Variants in SAMD3 observed in about 807,000 individuals in gnomAD.
SAMD3 encodes the protein sterile alpha motif domain-containing protein 3.
A neutral mutation model predicts 58.5 loss-of-function variants in SAMD3; 63 were observed. The observed-to-expected ratio is 1.08, with a 90% CI of 0.88 to 1.33. The LOEUF (loss-of-function observed/expected upper bound fraction) is 1.33, where lower values mean the gene tolerates loss of function less well. Among genes scored for constraint, SAMD3 ranks in the 40% most tolerant of loss-of-function variants. The probability of loss-of-function intolerance (pLI) is 0.00; values close to 1 mark genes in which losing one functional copy is unlikely to be tolerated. For synonymous variants in SAMD3, 220 were observed against 210.3 expected (o/e 1.05, Z -0.40); for missense variants, 604 against 608.4 (o/e 0.99, Z 0.08).
chr6:130,324,447 G>T (rs1373848826), intron 1 of SAMD3, among the ~76,000 whole-genome samples: 1 of 152,202 alleles, frequency 6.6e-6, no homozygotes, highest in Non-Finnish European at 1.5e-5. Context: ...ATGGTTGAAT[G>T]AATTTGTGTA....
intron 1 of SAMD3, among the ~76,000 whole-genome samples, chr6:130,217,042 G>A (rs1796041710): frequency 6.6e-6 from 1 of 152,164 alleles, no homozygotes; most frequent in African/African-American, 2.4e-5. Flanking sequence ...AAATGATCAT[G>A]TATTTTTAAA....
intron 5 of SAMD3, among the ~76,000 whole-genome samples, chr6:130,191,871 A>T (rs1323551164): frequency 2.0e-5 from 3 of 152,258 alleles, no homozygotes; most frequent in Non-Finnish European, 4.4e-5. Flanking sequence ...ATCAACTGCT[A>T]CACAATGTGA....
intron 1 of SAMD3, among the ~76,000 whole-genome samples, chr6:130,346,118 G>A (rs960183124): frequency 6.6e-6 from 1 of 152,222 alleles, no homozygotes; most frequent in Non-Finnish European, 1.5e-5. Flanking sequence ...AACAGGAACA[G>A]CTACAGTCTA....
At position 130,176,438 on chromosome 6, in the gene SAMD3, A is replaced by G. The variant is rs565961253; in HGVS notation, c.655-430T>C. 9.1e-4 allele frequency among the ~76,000 whole-genome samples: 139 copies of G among 152,252 alleles called. 1 individual carries two copies. The highest frequency in any genetic ancestry group is 1.9e-3 in the South Asian group (9 of 4,830). ...TTTTCTTTAAAAATAATTTCCTGTC[A>G]TCTTTTGAAATTTGTTTTGATGAGT... On this transcript the variant is annotated intron_variant, in intron 7 of 11. Transcript: ENST00000439090.
At position 130,287,368 on chromosome 6, in the gene SAMD3, A is replaced by C. The variant is rs138475086; in HGVS notation, c.-188+25610T>G. Among the ~76,000 whole-genome samples the C allele has an allele frequency of 1.8e-3, 273 of 152,330 alleles. 1 individual carries two copies. Among genetic ancestry groups the C allele is most frequent in the African/African-American group, 6.4e-3 (266 of 41,574 alleles). On this transcript the variant is annotated intron_variant, in intron 2 of 13. Coordinates refer to the SAMD3 transcript ENST00000368134. ...CATAGTGCCTAGCATTCTTGCATTTAGTAGACAATTATTCATTCATTTCTT... is the reference window on the plus strand; with the variant it reads ...CATAGTGCCTAGCATTCTTGCATTTCGTAGACAATTATTCATTCATTTCTT...
downstream of SAMD3, chr6:130,144,279 C>T (rs184035387): frequency 1.7e-4 from 80 of 483,420 alleles, no homozygotes; most frequent in Admixed American, 1.5e-3. Flanking sequence ...AACTTAACTG[C>T]GGAATTTCTA....
intron 2 of SAMD3, among the ~76,000 whole-genome samples, chr6:130,256,052 G>A (rs557479888): frequency 6.6e-6 from 1 of 150,756 alleles, no homozygotes; most frequent in East Asian, 1.9e-4. Flanking sequence ...TTTTTTGGTA[G>A]TAGCATACTT....
chr6:130,177,230 G>A (rs1791812344), intron 7 of SAMD3, among the ~76,000 whole-genome samples: 1 of 152,112 alleles, frequency 6.6e-6, no homozygotes, highest in African/African-American at 2.4e-5. Context: ...CTACTGTTCG[G>A]GAGATTGGAA....
intron 2 of SAMD3, among the ~76,000 whole-genome samples, chr6:130,241,458 C>T (rs1223767640): frequency 6.6e-6 from 1 of 152,052 alleles, no homozygotes; most frequent in Admixed American, 6.6e-5. Flanking sequence ...TTATGATCCA[C>T]CTGCCTTGGT....
intron 1 of SAMD3, among the ~76,000 whole-genome samples, chr6:130,317,605 T>G (rs9492544): frequency 0.42 from 64,229 of 151,706 alleles, 15,148 homozygotes; most frequent in African/African-American, 0.64. Flanking sequence ...TGTAGATAGA[T>G]AAATGGCAGA....
At chr6:130,216,842 T>A (rs1021623786) in intron 1 of SAMD3, among the ~76,000 whole-genome samples, 1 of 152,144 alleles carries the variant, frequency 6.6e-6, no homozygotes, top group African/African-American at 2.4e-5. Flanking sequence ...CTGGTGTAAA[T>A]TAAAAATCAC....
At chr6:130,258,759 T>G (rs1774011207) in intron 2 of SAMD3, among the ~76,000 whole-genome samples, 1 of 152,178 alleles carries the variant, frequency 6.6e-6, no homozygotes, top group Non-Finnish European at 1.5e-5. Context: ...TTTTAGAATT[T>G]TATTTTGGGA....
At chr6:130,191,335 T>C (rs1793522046) in intron 5 of SAMD3, among the ~76,000 whole-genome samples, 1 of 152,164 alleles carries the variant, frequency 6.6e-6, no homozygotes, top group East Asian at 1.9e-4. Context: ...GGCCCATCCC[T>C]TAATTATCAT....
At chr6:130,311,078 C>A (rs554249461) in intron 2 of SAMD3, among the ~76,000 whole-genome samples, 1 of 152,228 alleles carries the variant, frequency 6.6e-6, no homozygotes, top group Admixed American at 6.5e-5. Flanking sequence ...AGGGCCCTGA[C>A]AAAGAACCAC....
At chr6:130,359,601 G>T (rs1486240180) in intron 1 of SAMD3, among the ~76,000 whole-genome samples, 1 of 152,004 alleles carries the variant, frequency 6.6e-6, no homozygotes, top group Non-Finnish European at 1.5e-5. Flanking sequence ...ACCCATTAGG[G>T]CACTTTTCAT....
intron 1 of SAMD3, among the ~76,000 whole-genome samples, chr6:130,345,190 A>G (rs1439005147): frequency 2.0e-5 from 3 of 152,194 alleles, no homozygotes; most frequent in Non-Finnish European, 4.4e-5. Flanking sequence ...GAGGTGGAAG[A>G]AGCCTGCGTA....
chr6:130,260,846 G>A (rs1166201027), intron 2 of SAMD3, among the ~76,000 whole-genome samples: 2 of 152,218 alleles, frequency 1.3e-5, no homozygotes, highest in Non-Finnish European at 2.9e-5. Flanking sequence ...GGAAGGAACT[G>A]GTACTTGGAG....
At chr6:130,264,242 T>C (rs6932308) in intron 2 of SAMD3, among the ~76,000 whole-genome samples, 47,273 of 152,010 alleles carry the variant, frequency 0.31, 7,734 homozygotes, top group East Asian at 0.47. Flanking sequence ...GCTCTCTGTG[T>C]TCTATCCCGA....
In SAMD3 at chr6:130,347,481, T is replaced by A. The variant is rs535553709; in HGVS notation, c.-304+17639A>T. 1.2e-4 allele frequency among the ~76,000 whole-genome samples: 19 copies of A among 152,228 alleles called. No individual in the cohort carries two copies. The South Asian group carries it at 1.5e-3, about 12-fold the overall frequency. On this transcript the variant is annotated intron_variant, in intron 1 of 13. Transcript: ENST00000368134. ...CAACTGGAAGAAAGGGTGTCAGTGA[T>A]GGAAGATCAAATGAATGAAACGAAG... is the stretch of plus-strand genomic sequence containing the variant.
Sources: gnomAD v4.1 joint callset for allele counts (sites outside exome capture counted in the v4.1 genomes callset) on GRCh38, gnomAD v4.1.1 for gene constraint, MANE v1.5 for transcripts, NCBI Gene and HGNC (gene_info 2026-07-23, HGNC 2026-07-21) for gene names.